Variants in GRIA2 observed in about 807,000 individuals in gnomAD.
The protein encoded by GRIA2 is glutamate ionotropic receptor AMPA type subunit 2.
In GRIA2, 14 loss-of-function variants were observed where a neutral mutation model predicts 97.3. That is an observed-to-expected ratio of 0.14 (90% CI 0.10 to 0.23). The LOEUF is 0.23. Ranked by LOEUF, GRIA2 falls within the 10% of genes least tolerant of loss-of-function variation. The pLI is 1.00. For synonymous variants in GRIA2, 412 were observed against 387.8 expected (o/e 1.06, Z -0.73); for missense variants, 558 against 1,069.8 (o/e 0.52, Z 6.67).
rs529076834 is a variant in GRIA2 at position 157,334,259 on chromosome 4, C to A, written c.1266+139C>A. ...TTTAATCATTTATTTCATATTTACT[C>A]TGTTAAAAGGAATACACAAGATCTA... On this transcript the variant is annotated intron_variant, in intron 9 of 15. Transcript: ENST00000264426. 5.8e-5 allele frequency: 35 copies of A among 601,824 alleles called. No individual in the cohort carries two copies. In the African/African-American group the frequency reaches 6.1e-4, roughly 11 times the overall value. The allele number at this position is 601,824 out of a possible 1,614,324, so 37.3% of individuals were successfully genotyped here. A position where few individuals can be genotyped will look rare whatever the true frequency, so the allele number is the denominator to read the frequency against.
At chr4:157,238,484 T>C (rs1203540460) in intron 2 of GRIA2, among the ~76,000 whole-genome samples, 1 of 152,168 alleles carries the variant, frequency 6.6e-6, no homozygotes, top group African/African-American at 2.4e-5. Context: ...CATCTGCTTA[T>C]ATTTTAATGT....
intron 2 of GRIA2, chr4:157,249,692 G>A (rs779357908): frequency 9.2e-5 from 14 of 152,148 alleles, no homozygotes; most frequent in Non-Finnish European, 1.8e-4. Context: ...ATGGCATTAT[G>A]CTTAACGCTT....
chr4:157,341,578 T>C (rs565882954), intron 12 of GRIA2, 116 bp downstream of exon 12: 32 of 693,108 alleles, frequency 4.6e-5, no homozygotes, highest in Non-Finnish European at 7.3e-5. Context: ...CCTAATTCTA[T>C]TTCTTTTCTT....
chr4:157,345,567 G>T (rs1250880943), intron 12 of GRIA2, among the ~76,000 whole-genome samples: 10 of 152,084 alleles, frequency 6.6e-5, no homozygotes, highest in Admixed American at 6.6e-4. Flanking sequence ...ACTTTGTGTA[G>T]AAAATGATTT....
chr4:157,365,265 TA>T lies in GRIA2; in HGVS notation c.*1835del, dbSNP rs1225007984. The T allele has an allele frequency of 1.3e-5, 2 of 151,854 alleles. No homozygotes were observed. Among genetic ancestry groups the T allele is most frequent in the South Asian group, 2.1e-4 (1 of 4,826 alleles). 9.4% of individuals were successfully genotyped at this position (151,854 alleles called of 1,614,324 possible). ...TCCCTAATCACAGATCCTAAGGTAA[TA>T]TAATATAATTTTAGTGCATTTCTCC... On this transcript the variant is annotated 3_prime_UTR_variant, in exon 16 of 16. Coordinates refer to ENST00000264426, the MANE Select transcript of GRIA2 (RefSeq NM_001083619.3).
chr4:157,322,136 T>C (rs1734597750), intron 6 of GRIA2, among the ~76,000 whole-genome samples: 1 of 151,992 alleles, frequency 6.6e-6, no homozygotes, highest in African/African-American at 2.4e-5. Context: ...AGTTTGTTCC[T>C]AATCTTCAAA....
At chr4:157,233,014 G>A (rs977507306) in intron 2 of GRIA2, among the ~76,000 whole-genome samples, 1 of 152,082 alleles carries the variant, frequency 6.6e-6, no homozygotes, top group Non-Finnish European at 1.5e-5. Context: ...CATAAAATTA[G>A]CAATATTTTA....
At chr4:157,228,480 A>G (rs1729847364) in intron 2 of GRIA2, among the ~76,000 whole-genome samples, 1 of 152,194 alleles carries the variant, frequency 6.6e-6, no homozygotes, top group South Asian at 2.1e-4. Context: ...TATAAATGCT[A>G]ACTGTTAGGA....
rs535564756 is a variant in GRIA2, at chr4:157,356,509, T to C, written c.2044-3387T>C. 2.0e-5 allele frequency among the ~76,000 whole-genome samples: 3 copies of C among 152,130 alleles called. No individual in the cohort carries two copies. In the East Asian group the frequency reaches 5.8e-4, roughly 29 times the overall value. The stretch of plus-strand genomic sequence containing the variant: ...GGTAAAATTTGCTCAAATGTAGATG[T>C]TGCTTATGAGGGTGGTGATCATCAT... On this transcript the variant is annotated intron_variant, in intron 12 of 15. Coordinates refer to ENST00000264426, the MANE Select transcript of GRIA2 (RefSeq NM_001083619.3).
At chr4:157,340,512 A>G (rs1169396561) in intron 11 of GRIA2, among the ~76,000 whole-genome samples, 1 of 152,002 alleles carries the variant, frequency 6.6e-6, no homozygotes, top group Non-Finnish European at 1.5e-5. Context: ...ATTTTATTAT[A>G]CATCAAACTA....
intron 6 of GRIA2, among the ~76,000 whole-genome samples, chr4:157,331,813 A>G (rs1363311807): frequency 6.6e-6 from 1 of 151,998 alleles, no homozygotes; most frequent in African/African-American, 2.4e-5. Context: ...TGAAATTATC[A>G]TTTTTGAGAG....
chr4:157,291,381 A>T (rs1733093539), intron 2 of GRIA2, among the ~76,000 whole-genome samples: 1 of 151,976 alleles, frequency 6.6e-6, no homozygotes. Context: ...ATGAATAATT[A>T]TAGAAAAAAT....
chr4:157,274,875 A>G (rs569384582), intron 2 of GRIA2, among the ~76,000 whole-genome samples: 4 of 151,872 alleles, frequency 2.6e-5, no homozygotes, highest in South Asian at 4.2e-4. Flanking sequence ...TCCTTTGGGT[A>G]TATACCCAGT....
At chr4:157,228,728 TG>T (rs901428902) in intron 2 of GRIA2, among the ~76,000 whole-genome samples, 3 of 140,300 alleles carry the variant, frequency 2.1e-5, no homozygotes, top group African/African-American at 8.1e-5. Context: ...ATGAGAGAGA[TG>T]TTGCAGTGAG....
chr4:157,245,702 T>A (rs1418275255), intron 2 of GRIA2, among the ~76,000 whole-genome samples: 1 of 152,112 alleles, frequency 6.6e-6, no homozygotes, highest in African/African-American at 2.4e-5. Context: ...AAAGAAAGAT[T>A]CCAAGACCTC....
At chr4:157,248,912 A>G (rs951609226) in intron 2 of GRIA2, among the ~76,000 whole-genome samples, 8 of 151,278 alleles carry the variant, frequency 5.3e-5, no homozygotes, top group Non-Finnish European at 8.8e-5. Flanking sequence ...ATCTTGGCTC[A>G]CTGTAACTTT....
chr4:157,286,652 AT>A (rs35635698), intron 2 of GRIA2, among the ~76,000 whole-genome samples: 54,001 of 151,162 alleles, frequency 0.36, 10,168 homozygotes, highest in African/African-American at 0.48. Context: ...TTTATGTTAG[AT>A]TTTTATCCTT....
At position 157,332,801 on chromosome 4, in the gene GRIA2, G is replaced by A. The variant is rs1735114435; in HGVS notation, c.883-18G>A. 1.3e-6 allele frequency: 2 copies of A among 1,593,968 alleles called. No individual in the cohort carries two copies. The highest frequency in any genetic ancestry group is 2.7e-5 in the African/African-American group (2 of 74,236). On this transcript the variant is annotated intron_variant, in intron 6 of 15. Transcript: ENST00000264426. ...GAATTTTCTCCCGTTCTTATGAAAT[G>A]TGTGTGATCCTTTGCAGTATACTTC...
chr4:157,248,808 AT>A, intron 2 of GRIA2, among the ~76,000 whole-genome samples: 1 of 132,174 alleles, frequency 7.6e-6, no homozygotes, highest in Admixed American at 7.8e-5. Context: ...ATATATATAT[AT>A]ATATAAATAA....
Sources: gnomAD v4.1 joint callset for allele counts (sites outside exome capture counted in the v4.1 genomes callset) on GRCh38, gnomAD v4.1.1 for gene constraint, MANE v1.5 for transcripts, NCBI Gene and HGNC (gene_info 2026-07-23, HGNC 2026-07-21) for gene names.